Variants in MSI2 observed in about 807,000 individuals in gnomAD.
The protein encoded by MSI2 is RNA-binding protein Musashi homolog 2.
In MSI2, 17 loss-of-function variants were observed where a neutral mutation model predicts 45.6. The ratio of observed to expected loss-of-function variants is 0.37; its 90% CI spans 0.26 to 0.56. The LOEUF (loss-of-function observed/expected upper bound fraction) is 0.56. Among genes scored for constraint, MSI2 ranks in the 20% least tolerant of loss-of-function variants. The probability of loss-of-function intolerance (pLI) is 0.77; values close to 1 mark genes in which losing one functional copy is unlikely to be tolerated. For missense variants in MSI2, 293 were observed against 444.2 expected, an observed-to-expected ratio of 0.66 and a Z score of 3.06; for synonymous variants, 156 against 158.2, an observed-to-expected ratio of 0.99 and a Z score of 0.11.
intron 6 of MSI2, among the ~76,000 whole-genome samples, chr17:57,427,444 G>A (rs1488813852): frequency 1.3e-5 from 2 of 151,854 alleles, no homozygotes; most frequent in African/African-American, 4.8e-5. Flanking sequence ...AAATGTAAAG[G>A]CAGGAATGTG....
At chr17:57,526,089 G>A (rs561286126) in intron 6 of MSI2, among the ~76,000 whole-genome samples, 6 of 152,098 alleles carry the variant, frequency 3.9e-5, no homozygotes, top group South Asian at 2.1e-4. Context: ...GCCAGGCATG[G>A]TGGTGCATGC....
chr17:57,519,164 G>C (rs1267587974), intron 6 of MSI2, among the ~76,000 whole-genome samples: 4 of 152,192 alleles, frequency 2.6e-5, no homozygotes, highest in African/African-American at 9.7e-5. Context: ...AGGGCACACT[G>C]GTTCTGTTAG....
At position 57,681,325 on chromosome 17, in the gene MSI2, A is replaced by T. The variant is rs1913581949; in HGVS notation, c.*1808A>T. 5.5e-6 allele frequency: 1 copy of T among 180,954 alleles called. No homozygotes were observed. The highest frequency in any genetic ancestry group is 2.0e-4 in the South Asian group (1 of 5,078). The allele number at this position is 180,954 out of a possible 1,614,324, so 11.2% of individuals were successfully genotyped here. ...AATAGATGGCATTAAAACATATTGT[A>T]GTGTGGATATATATTTTTTCTTTTT... On this transcript the variant is annotated 3_prime_UTR_variant, in exon 14 of 14. Transcript: ENST00000284073.
Position 57,358,398 on chromosome 17 carries a change from C to A in MSI2, c.313-42981C>A, listed in dbSNP as rs146717025. ...AATGACTCAAGGCTCTGAGGCCAGG[C>A]TGCGTCCATTTGAAGGAAGGAAGCA... On this transcript the variant is annotated intron_variant, in intron 5 of 13. Transcript: ENST00000284073. 9.1e-3 allele frequency among the ~76,000 whole-genome samples: 1,379 copies of A among 152,202 alleles called. 6 individuals are homozygous for A. Among genetic ancestry groups the A allele is most frequent in the Non-Finnish European group, 0.014 (980 of 67,984 alleles).
At chr17:57,329,235 T>C (rs896595487) in intron 5 of MSI2, among the ~76,000 whole-genome samples, 1 of 152,234 alleles carries the variant, frequency 6.6e-6, no homozygotes, top group Non-Finnish European at 1.5e-5. Context: ...TTTGTAGAAA[T>C]AGGATTATTA....
intron 12 of MSI2, among the ~76,000 whole-genome samples, chr17:57,676,141 A>T (rs1481592357): frequency 6.6e-6 from 1 of 152,248 alleles, no homozygotes. Flanking sequence ...TGCGGAGAAC[A>T]AAACATGTGC....
At chr17:57,699,719 G>T in the MSI2 span, among the ~76,000 whole-genome samples, 3 of 152,194 alleles carry the variant, frequency 2.0e-5, no homozygotes, top group Non-Finnish European at 4.4e-5. Context: ...ACTTCTGTGA[G>T]AGCATCCCTG....
rs1038400610 is a variant in MSI2 at position 57,631,623 on chromosome 17, T to C, written c.727+4320T>C. 1.1e-5 allele frequency: 7 copies of C among 631,158 alleles called. No homozygotes were observed. In the Admixed American group the frequency reaches 1.7e-4, roughly 15 times the overall value. 39.1% of individuals were successfully genotyped at this position (631,158 alleles called of 1,614,324 possible). On this transcript the variant is annotated intron_variant, in intron 10 of 13. Transcript: ENST00000284073. ...GACCAACCACTCTGGGAACAGCTCC[T>C]TCTTCCCACATCCAGGTGTCCACCC... is the stretch of plus-strand genomic sequence containing the variant.
rs576929043 is a variant in MSI2 at position 57,446,174 on chromosome 17, G to A, written c.405+44703G>A. Among the ~76,000 whole-genome samples, 9 of 152,220 alleles carry A rather than the reference G, an allele frequency of 5.9e-5. No individual in the cohort carries two copies. The East Asian group carries it at 1.4e-3, about 23-fold the overall frequency. ...GGGGTGGGGTGTGTGTGAGGGTGTC[G>A]ATTTAGGCATAGCCTTCAGAGAGGC... On this transcript the variant is annotated intron_variant, in intron 6 of 13. Transcript: ENST00000284073.
At chr17:57,317,082 A>G (rs547818373) in intron 5 of MSI2, among the ~76,000 whole-genome samples, 14 of 152,234 alleles carry the variant, frequency 9.2e-5, no homozygotes, top group African/African-American at 2.6e-4. Flanking sequence ...AGATCTGTAC[A>G]TGTCAGAGGC....
chr17:57,302,865 G>A (rs1299059597), intron 5 of MSI2, among the ~76,000 whole-genome samples: 1 of 152,240 alleles, frequency 6.6e-6, no homozygotes, highest in Non-Finnish European at 1.5e-5. Flanking sequence ...GCAGATCGTG[G>A]GCAAGGGAGT....
chr17:57,347,806 G>A (rs1454577307), intron 5 of MSI2, among the ~76,000 whole-genome samples: 1 of 152,202 alleles, frequency 6.6e-6, no homozygotes, highest in Non-Finnish European at 1.5e-5. Context: ...TCATTTCAGC[G>A]ATCCTTCAGT....
intron 5 of MSI2, among the ~76,000 whole-genome samples, chr17:57,272,608 G>T (rs760079987): frequency 6.6e-6 from 1 of 152,202 alleles, no homozygotes; most frequent in African/African-American, 2.4e-5. Flanking sequence ...TCTTGTGCAA[G>T]AATTTCCACT....
At chr17:57,419,107 A>C (rs563949439) in intron 6 of MSI2, among the ~76,000 whole-genome samples, 1 of 152,020 alleles carries the variant, frequency 6.6e-6, no homozygotes, top group East Asian at 1.9e-4. Flanking sequence ...TGATGCCTTG[A>C]TTTCTGTATT....
chr17:57,581,426 G>A (rs2088204502), intron 7 of MSI2, among the ~76,000 whole-genome samples: 1 of 152,110 alleles, frequency 6.6e-6, no homozygotes, highest in Non-Finnish European at 1.5e-5. Context: ...GATGTCCTCG[G>A]ATCCAAGATT....
At chr17:57,670,617 A>G (rs1355029092) in intron 11 of MSI2, among the ~76,000 whole-genome samples, 1 of 152,198 alleles carries the variant, frequency 6.6e-6, no homozygotes, top group Non-Finnish European at 1.5e-5. Context: ...CCTCGGTGAG[A>G]TCGGTGTCCT....
intron 5 of MSI2, among the ~76,000 whole-genome samples, chr17:57,297,284 C>A (rs1911062179): frequency 6.6e-6 from 1 of 151,632 alleles, no homozygotes; most frequent in Non-Finnish European, 1.5e-5. Context: ...AGTTCCAGAC[C>A]ATTGCAATAA....
chr17:57,674,848 GT>G, intron 11 of MSI2, 123 bp from the exon 12 acceptor site: 1 of 1,414,018 alleles, frequency 7.1e-7, no homozygotes, highest in East Asian at 2.4e-5. Flanking sequence ...TTTCTCAAGT[GT>G]TTGGCTTGTA....
At chr17:57,688,511 C>T (rs1250237860), downstream of MSI2, among the ~76,000 whole-genome samples, 2 of 152,054 alleles carry the variant, frequency 1.3e-5, no homozygotes, top group Admixed American at 1.3e-4. Flanking sequence ...TACAGCATAT[C>T]ATAGAAAATT....
Sources: gnomAD v4.1 joint callset for allele counts (sites outside exome capture counted in the v4.1 genomes callset) on GRCh38, gnomAD v4.1.1 for gene constraint, MANE v1.5 for transcripts, NCBI Gene and HGNC (gene_info 2026-07-23, HGNC 2026-07-21) for gene names.